BCAS3: variants seen among roughly 807,000 people sequenced by gnomAD.
The protein encoded by BCAS3 is BCAS4/BCAS3 fusion.
In BCAS3, 53 loss-of-function variants were observed where a neutral mutation model predicts 116.1. The ratio of observed to expected loss-of-function variants is 0.46; its 90% CI spans 0.37 to 0.57. The LOEUF (loss-of-function observed/expected upper bound fraction) is 0.57. Ranked by LOEUF, BCAS3 falls within the 20% of genes least tolerant of loss-of-function variation. The pLI, the probability that BCAS3 is intolerant of heterozygous loss-of-function variation, is 0.00. For synonymous variants in BCAS3, 391 were observed against 408.2 expected, an observed-to-expected ratio of 0.96 and a Z score of 0.51; for missense variants, 917 against 1,165.4, an observed-to-expected ratio of 0.79 and a Z score of 3.10.
At chr17:61,311,885 C>G (rs1217540654) in intron 22 of BCAS3, among the ~76,000 whole-genome samples, 2 of 143,474 alleles carry the variant, frequency 1.4e-5, no homozygotes, top group Non-Finnish European at 3.0e-5. Context: ...CAGAGCGAGA[C>G]TCCATCTCAA....
Position 60,961,658 on chromosome 17 carries a change from A to G in BCAS3, c.1221+14306A>G, listed in dbSNP as rs1186189936. ...TACTATCTTTACCATTTTTAAGTGT[A>G]CAGTTCAGTGGTAATAAATACATTT... On this transcript the variant is annotated intron_variant, in intron 14 of 23. Coordinates refer to ENST00000407086, the MANE Select transcript of BCAS3 (RefSeq NM_017679.5). This position sits in a 1 kb window ranked among gnomAD's most constrained non-coding sequence, Gnocchi z 4.8. Among the ~76,000 whole-genome samples, 2 of 152,130 alleles carry G rather than the reference A, an allele frequency of 1.3e-5. No homozygotes were observed. The highest frequency in any genetic ancestry group is 2.9e-5 in the Non-Finnish European group (2 of 68,026).
chr17:61,368,455 G>C lies in BCAS3; in HGVS notation c.2554G>C (p.Ala852Pro). ...GLRERLADAM[A>P]ESPSRDVVGS... ...CCGGGAGCGACTTGCCGACGCCATG[G>C]CCGAGTCACCTAGCCGGGACGTCGT... The change falls in exon 23 of 24, where the codon GCC becomes CCC. Residue 852 changes from alanine to proline, a missense_variant. Transcript: ENST00000407086. The surrounding 1 kb of genome is among the most constrained non-coding windows in gnomAD (Gnocchi z 6.0). The C allele has an allele frequency of 6.2e-7, 1 of 1,611,574 alleles. No individual in the cohort carries two copies. Among genetic ancestry groups the C allele is most frequent in the Non-Finnish European group, 8.5e-7 (1 of 1,177,892 alleles).
intron 22 of BCAS3, among the ~76,000 whole-genome samples, chr17:61,236,463 G>A (rs1187985500): frequency 6.6e-6 from 1 of 152,080 alleles, no homozygotes; most frequent in African/African-American, 2.4e-5. Flanking sequence ...GGGACTATAG[G>A]CACCCGCCAC....
chr17:60,731,344 C>G (rs1467305599), intron 5 of BCAS3, among the ~76,000 whole-genome samples: 1 of 152,162 alleles, frequency 6.6e-6, no homozygotes, highest in Non-Finnish European at 1.5e-5. Context: ...TCTTAAGTAG[C>G]TGGGATTACA....
At chr17:61,079,042 G>A (rs2072297805) in intron 21 of BCAS3, among the ~76,000 whole-genome samples, 1 of 151,838 alleles carries the variant, frequency 6.6e-6, no homozygotes, top group African/African-American at 2.4e-5. Flanking sequence ...TCCTAGGACA[G>A]GTGTACAAAT....
At chr17:60,707,498 C>T (rs1435112217) in intron 4 of BCAS3, among the ~76,000 whole-genome samples, 1 of 152,204 alleles carries the variant, frequency 6.6e-6, no homozygotes, top group Non-Finnish European at 1.5e-5. Flanking sequence ...TACTTTTCCC[C>T]TTCCAATCTT....
rs2083304664 is a variant in BCAS3, at chr17:61,239,506, A to G, written c.2426-128821A>G. ...TGGAAATTTGGTCTAGTGATGAGTA[A>G]TTCTTTCTTTCTGACGTTAATCATT... On this transcript the variant is annotated intron_variant, in intron 22 of 23. Transcript: ENST00000407086. This position sits in a 1 kb window ranked among gnomAD's most constrained non-coding sequence, Gnocchi z 4.2. Among the ~76,000 whole-genome samples the G allele has an allele frequency of 6.6e-6, 1 of 152,182 alleles. No individual in the cohort carries two copies.
At chr17:60,829,193 A>G (rs2050693584) in intron 7 of BCAS3, among the ~76,000 whole-genome samples, 1 of 152,078 alleles carries the variant, frequency 6.6e-6, no homozygotes, top group African/African-American at 2.4e-5. Context: ...ATGATGATGT[A>G]ATGTATAACA....
rs572465927 is a variant in BCAS3 at position 61,281,537 on chromosome 17, T to C, written c.2426-86790T>C. ...TTTGGTCTCTGCAAATCAGATTCAATGTGTCATTTTATTGTAATTTAAATT... is the reference window on the plus strand; with the variant it reads ...TTTGGTCTCTGCAAATCAGATTCAACGTGTCATTTTATTGTAATTTAAATT... On this transcript the variant is annotated intron_variant, in intron 22 of 23. Coordinates refer to ENST00000407086, the MANE Select transcript of BCAS3 (RefSeq NM_017679.5). This position sits in a 1 kb window ranked among gnomAD's most constrained non-coding sequence, Gnocchi z 4.2. 2.0e-5 allele frequency among the ~76,000 whole-genome samples: 3 copies of C among 152,320 alleles called. No homozygotes were observed. In the East Asian group the frequency reaches 5.8e-4, roughly 29 times the overall value.
intron 6 of BCAS3, among the ~76,000 whole-genome samples, chr17:60,781,850 T>G (rs1256955898): frequency 1.3e-5 from 2 of 152,236 alleles, no homozygotes; most frequent in African/African-American, 4.8e-5. Flanking sequence ...TAGGTGTGAA[T>G]TTCATTTTAT....
intron 22 of BCAS3, among the ~76,000 whole-genome samples, chr17:61,155,847 C>G (rs192121713): frequency 6.6e-6 from 1 of 152,268 alleles, no homozygotes. Context: ...CTTGTTAAGG[C>G]CTTTTAATCA....
At position 61,186,702 on chromosome 17, in the gene BCAS3, C is replaced by A. The variant is rs930839557; in HGVS notation, c.2425+102138C>A. Among the ~76,000 whole-genome samples the A allele has an allele frequency of 2.6e-5, 4 of 151,940 alleles. No individual in the cohort carries two copies. In the East Asian group the frequency reaches 7.7e-4, roughly 29 times the overall value. On this transcript the variant is annotated intron_variant, in intron 22 of 23. Coordinates refer to ENST00000407086, the MANE Select transcript of BCAS3 (RefSeq NM_017679.5). This position sits in a 1 kb window ranked among gnomAD's most constrained non-coding sequence, Gnocchi z 4.9. ...CCCAGTTTCTCTGTTTAGAGGCCAC[C>A]AATATTAACAGTTGTTTTTTTTTTT...
chr17:61,160,128 C>T (rs1045988275), intron 22 of BCAS3, among the ~76,000 whole-genome samples: 2 of 150,158 alleles, frequency 1.3e-5, no homozygotes, highest in Non-Finnish European at 3.0e-5. Context: ...TATAAATTAA[C>T]TACAAGGAAA....
intron 13 of BCAS3, among the ~76,000 whole-genome samples, chr17:60,945,082 C>A (rs1315982553): frequency 1.3e-5 from 2 of 152,068 alleles, no homozygotes; most frequent in Non-Finnish European, 2.9e-5. Flanking sequence ...TATAAAAAAA[C>A]CCCTAGAACT....
At chr17:60,786,711 G>A (rs908234700) in intron 6 of BCAS3, among the ~76,000 whole-genome samples, 1 of 152,078 alleles carries the variant, frequency 6.6e-6, no homozygotes, top group African/African-American at 2.4e-5. Context: ...GCCCATGTTT[G>A]CAGTTCAGCA....
chr17:60,991,328 T>C (rs1277854691), intron 15 of BCAS3, among the ~76,000 whole-genome samples: 2 of 152,234 alleles, frequency 1.3e-5, no homozygotes, highest in African/African-American at 4.8e-5. Flanking sequence ...GTACTTCTGT[T>C]TATTTATCCT....
chr17:61,003,432 T>C (rs1338354333), intron 15 of BCAS3, among the ~76,000 whole-genome samples: 3 of 140,408 alleles, frequency 2.1e-5, no homozygotes, highest in African/African-American at 8.6e-5. Context: ...TTCTTTCCTT[T>C]TTTTTCTTTC....
chr17:61,150,161 A>G (rs1238937868), intron 22 of BCAS3, among the ~76,000 whole-genome samples: 2 of 152,222 alleles, frequency 1.3e-5, no homozygotes, highest in Non-Finnish European at 2.9e-5. Flanking sequence ...GTAATTGGCC[A>G]GGAGGTTAAT....
intron 4 of BCAS3, among the ~76,000 whole-genome samples, chr17:60,692,043 ACT>A (rs2034895681): frequency 6.7e-6 from 1 of 149,368 alleles, no homozygotes; most frequent in Non-Finnish European, 1.5e-5. Flanking sequence ...CAAGAGTGAA[ACT>A]CTGTCTCAAA....
Sources: allele counts gnomAD v4.1 joint callset (sites outside exome capture counted in the v4.1 genomes callset), GRCh38; gene constraint gnomAD v4.1.1; non-coding constraint Gnocchi (gnomAD v3.1); transcripts MANE v1.5; gene names NCBI Gene and HGNC (gene_info 2026-07-23, HGNC 2026-07-21).